The following NAV1 variants were observed in gnomAD, a reference collection of about 807,000 sequenced individuals.
The protein encoded by NAV1 is pore membrane and/or filament interacting like protein 3.
In NAV1, 18 loss-of-function variants were observed where a neutral mutation model predicts 175.2. The observed-to-expected ratio is 0.10, with a 90% CI of 0.07 to 0.15. The LOEUF is 0.15. NAV1 is among the 10% of genes least tolerant of loss of function. The probability of loss-of-function intolerance (pLI) is 1.00; values close to 1 mark genes in which losing one functional copy is unlikely to be tolerated. For synonymous variants in NAV1, 897 were observed against 978.7 expected (o/e 0.92, Z 1.56); for missense variants, 1,731 against 2,436.6 (o/e 0.71, Z 6.10).
intron 2 of NAV1, among the ~76,000 whole-genome samples, chr1:201,611,422 T>A (rs960994887): frequency 1.3e-5 from 2 of 152,176 alleles, no homozygotes; most frequent in Non-Finnish European, 2.9e-5. Context: ...AAACATTTAG[T>A]AAATGACTAT....
In NAV1 at chr1:201,810,464, A is replaced by G. The variant is rs1678616619; in HGVS notation, c.4562-59A>G. The G allele has an allele frequency of 1.3e-6, 2 of 1,481,794 alleles. No individual in the cohort carries two copies. The highest frequency in any genetic ancestry group is 2.5e-5 in the East Asian group (1 of 40,564). 91.8% of individuals were successfully genotyped at this position (1,481,794 alleles called of 1,614,324 possible). On this transcript the variant is annotated intron_variant, in intron 23 of 29. Coordinates refer to ENST00000367296, the Ensembl canonical transcript of NAV1. The surrounding 1 kb of genome is among the most constrained non-coding windows in gnomAD (Gnocchi z 6.0). Reference sequence around the variant, plus strand: ...GATAAAGAAAGAAAAGCCCTTTAGGATCCCTTGCTATCCTCAAGACCCTGG... The same window carrying G: ...GATAAAGAAAGAAAAGCCCTTTAGGGTCCCTTGCTATCCTCAAGACCCTGG...
chr1:201,597,354 A>G (rs895915373), intron 2 of NAV1, among the ~76,000 whole-genome samples: 3 of 152,160 alleles, frequency 2.0e-5, no homozygotes, highest in African/African-American at 7.2e-5. Flanking sequence ...ATTCACACAC[A>G]TTGGCCTTGG....
intron 8 of NAV1, among the ~76,000 whole-genome samples, chr1:201,785,788 CTTTTTT>C (rs34841837): frequency 1.0e-5 from 1 of 99,568 alleles, no homozygotes; most frequent in Non-Finnish European, 1.9e-5. Flanking sequence ...ACTATTGCAA[CTTTTTT>C]TTTTTTTTTT....
At chr1:201,626,511 C>G (rs901623102) in intron 1 of NAV1, among the ~76,000 whole-genome samples, 19 of 152,248 alleles carry the variant, frequency 1.2e-4, no homozygotes, top group Non-Finnish European at 1.0e-4. Context: ...TCATCCATCA[C>G]TTCCCTTTGG....
chr1:201,787,111 C>G lies in NAV1; in HGVS notation c.2995+534C>G, dbSNP rs1296255533. Among the ~76,000 whole-genome samples, 2 of 152,204 alleles carry G rather than the reference C, an allele frequency of 1.3e-5. No homozygotes were observed. The highest frequency in any genetic ancestry group is 6.5e-5 in the Admixed American group (1 of 15,280). ...TGACTCAGATGTGTCCTGGCCACCC[C>G]CTTCCTAAAGCCTAGGGAGAAAGGA... is the stretch of plus-strand genomic sequence containing the variant. On this transcript the variant is annotated intron_variant, in intron 9 of 29. Coordinates refer to ENST00000367296, the Ensembl canonical transcript of NAV1. The surrounding 1 kb of genome is among the most constrained non-coding windows in gnomAD (Gnocchi z 4.3).
intron 1 of NAV1, among the ~76,000 whole-genome samples, chr1:201,581,505 TGA>T (rs1185080360): frequency 6.6e-6 from 1 of 152,028 alleles, no homozygotes; most frequent in East Asian, 1.9e-4. Context: ...GAGGCAGATT[TGA>T]GAGTCATTAC....
At position 201,606,810 on chromosome 1, in the gene NAV1, G is replaced by T. The variant is rs116201655; in HGVS notation, c.-32-16043G>T. Among the ~76,000 whole-genome samples, 884 of 152,268 alleles carry T rather than the reference G, an allele frequency of 5.8e-3. 5 individuals are homozygous for T. The highest frequency in any genetic ancestry group is 0.011 in the South Asian group (54 of 4,826). On this transcript the variant is annotated intron_variant, in intron 2 of 33. Transcript: ENST00000685211. Reference sequence around the variant, plus strand: ...GGCTACATTCCCACTGCTGAGCAAGGCCATTTAGATGCAAGATACTAATTG... The same window carrying T: ...GGCTACATTCCCACTGCTGAGCAAGTCCATTTAGATGCAAGATACTAATTG...
At chr1:201,825,285 T>C (rs895112423) in exon 30 of NAV1, 1 of 152,020 alleles carries the variant, frequency 6.6e-6, no homozygotes, top group African/African-American at 2.4e-5. Flanking sequence ...GCCGAATTAT[T>C]TGTATCTATT....
chr1:201,784,661 C>T (rs1453947736), intron 7 of NAV1, among the ~76,000 whole-genome samples: 1 of 151,868 alleles, frequency 6.6e-6, no homozygotes, highest in Non-Finnish European at 1.5e-5. Flanking sequence ...CCTCAGCCTC[C>T]CGGGAGCTGC....
upstream of NAV1, among the ~76,000 whole-genome samples, chr1:201,619,351 G>A (rs1435787334): frequency 6.6e-6 from 1 of 152,200 alleles, no homozygotes; most frequent in Non-Finnish European, 1.5e-5. Context: ...ATGTAGGTGA[G>A]TTGGGCTCTT....
chr1:201,550,437 A>T (rs1229438531), intron 1 of NAV1, among the ~76,000 whole-genome samples: 1 of 152,204 alleles, frequency 6.6e-6, no homozygotes, highest in Non-Finnish European at 1.5e-5. Flanking sequence ...CTCCCAAAGC[A>T]TTCAGATCAC....
At chr1:201,558,994 A>G (rs557431150) in intron 1 of NAV1, among the ~76,000 whole-genome samples, 1 of 152,244 alleles carries the variant, frequency 6.6e-6, no homozygotes, top group South Asian at 2.1e-4. Flanking sequence ...TTAGTTCAGC[A>G]TGTCAAAAGG....
intron 1 of NAV1, among the ~76,000 whole-genome samples, chr1:201,550,316 C>T (rs191394131): frequency 9.2e-5 from 14 of 152,020 alleles, no homozygotes; most frequent in Admixed American, 6.6e-4. Context: ...GGACCACAGG[C>T]GCCCGCCACC....
Position 201,750,027 on chromosome 1 carries a change from AT to A in NAV1, c.1227-30390del, listed in dbSNP as rs34132460. On this transcript the variant is annotated intron_variant, in intron 3 of 29. Transcript: ENST00000367296. The surrounding 1 kb of genome is among the most constrained non-coding windows in gnomAD (Gnocchi z 4.1). ...TTTCAGATTGCTTTATGTTGTTAAA[AT>A]TTTGCTCCACCTTAAAGAAACTGAC... is the stretch of plus-strand genomic sequence containing the variant. Among the ~76,000 whole-genome samples the A allele has an allele frequency of 6.6e-6, 1 of 152,220 alleles. No homozygotes were observed. The highest frequency in any genetic ancestry group is 2.4e-5 in the African/African-American group (1 of 41,466).
At chr1:201,714,706 T>A (rs1446396837) in intron 2 of NAV1, among the ~76,000 whole-genome samples, 1 of 152,160 alleles carries the variant, frequency 6.6e-6, no homozygotes, top group Non-Finnish European at 1.5e-5. Context: ...CCAAGGAAAT[T>A]GTTGGAACAT....
chr1:201,699,379 AC>A (rs1671318012), intron 1 of NAV1, among the ~76,000 whole-genome samples: 1 of 152,210 alleles, frequency 6.6e-6, no homozygotes, highest in African/African-American at 2.4e-5. Flanking sequence ...AATCCAACTT[AC>A]AAGGGATGTG....
At chr1:201,659,499 A>G (rs1219580720) in intron 1 of NAV1, among the ~76,000 whole-genome samples, 3 of 152,192 alleles carry the variant, frequency 2.0e-5, no homozygotes, top group Admixed American at 6.5e-5. Flanking sequence ...TTGTGCCTAT[A>G]GCCCTAGCTG....
chr1:201,711,546 A>C (rs1671906370), intron 1 of NAV1, among the ~76,000 whole-genome samples: 2 of 152,130 alleles, frequency 1.3e-5, no homozygotes, highest in Admixed American at 1.3e-4. Context: ...CTGAGGAGGG[A>C]CTGAGGGGGC....
Position 201,633,209 on chromosome 1 carries a change from A to T in NAV1, c.4+3702A>T, listed in dbSNP as rs189561281. Among the ~76,000 whole-genome samples, 5 of 152,264 alleles carry T rather than the reference A, an allele frequency of 3.3e-5. No individual in the cohort carries two copies. In the East Asian group the frequency reaches 9.7e-4, roughly 29 times the overall value. ...ACTAAACCAGGACCACTGCTTTCTG[A>T]CTCCTTAAACACTAAAAAGAACTAA... On this transcript the variant is annotated intron_variant, in intron 2 of 29. Coordinates refer to the NAV1 transcript ENST00000367302.
Sources: gnomAD v4.1 joint callset for allele counts (sites outside exome capture counted in the v4.1 genomes callset) on GRCh38, gnomAD v4.1.1 for gene constraint, Gnocchi (gnomAD v3.1) non-coding constraint, MANE v1.5 for transcripts, NCBI Gene and HGNC (gene_info 2026-07-23, HGNC 2026-07-21) for gene names.